STPG2: variants seen among roughly 807,000 people sequenced by gnomAD.
STPG2 encodes the protein sperm-tail PG-rich repeat-containing protein 2.
A neutral mutation model predicts 54.2 loss-of-function variants in STPG2; 56 were observed. The observed-to-expected ratio is 1.03, with a 90% CI of 0.83 to 1.29. The LOEUF (loss-of-function observed/expected upper bound fraction) is 1.29, where lower values mean the gene tolerates loss of function less well. STPG2 is among the 50% of genes most tolerant of loss of function. The pLI, the probability that STPG2 is intolerant of heterozygous loss-of-function variation, is 0.00. For synonymous variants in STPG2, 200 were observed against 181.8 expected (o/e 1.10, Z -0.81); for missense variants, 596 against 544.9 (o/e 1.09, Z -0.93).
chr4:97,910,439 A>T (rs1176803205), intron 8 of STPG2, among the ~76,000 whole-genome samples: 4 of 152,244 alleles, frequency 2.6e-5, no homozygotes, highest in Non-Finnish European at 5.9e-5. Context: ...AAATTAAATT[A>T]TCATGTGGAA....
At chr4:97,616,512 T>C (rs1459011192) in intron 10 of STPG2, among the ~76,000 whole-genome samples, 1 of 152,150 alleles carries the variant, frequency 6.6e-6, no homozygotes, top group East Asian at 1.9e-4. Flanking sequence ...AGTTTCATTT[T>C]CATTGTAACA....
intron 5 of STPG2, among the ~76,000 whole-genome samples, chr4:98,098,306 A>G (rs1441972626): frequency 6.6e-6 from 1 of 151,924 alleles, no homozygotes; most frequent in African/African-American, 2.4e-5. Flanking sequence ...GAGAACCCGG[A>G]AAAAAAACCC....
chr4:97,906,691 G>C (rs1731438602), intron 8 of STPG2, among the ~76,000 whole-genome samples: 1 of 151,874 alleles, frequency 6.6e-6, no homozygotes, highest in South Asian at 2.1e-4. Context: ...CTTCATCCCT[G>C]GGATGCAAGG....
intron 5 of STPG2, among the ~76,000 whole-genome samples, chr4:98,027,621 A>G (rs1202701958): frequency 6.6e-6 from 1 of 152,200 alleles, no homozygotes; most frequent in Non-Finnish European, 1.5e-5. Context: ...AAACATTTCC[A>G]TTCAAAAAAG....
rs201004313 is a variant in STPG2, at chr4:97,932,357, AT to A, written c.1044+11539del. ...GGTTGTTAATTTGAGATTTTTCCAA[AT>A]TTTTTTTTAATTTTATTTTAAGTTC... On this transcript the variant is annotated intron_variant, in intron 8 of 10. Transcript: ENST00000295268. Among the ~76,000 whole-genome samples, 514 of 151,646 alleles carry A rather than the reference AT, an allele frequency of 3.4e-3. 2 individuals carry two copies. Among genetic ancestry groups the A allele is most frequent in the African/African-American group, 0.011 (475 of 41,354 alleles).
intron 4 of STPG2, among the ~76,000 whole-genome samples, chr4:97,533,964 AT>A (rs1444028421): frequency 1.3e-5 from 2 of 152,234 alleles, no homozygotes; most frequent in African/African-American, 4.8e-5. Context: ...AGTATTTTTT[AT>A]TAAGTAGAAA....
At chr4:97,893,484 C>A (rs1160948460) in intron 8 of STPG2, among the ~76,000 whole-genome samples, 1 of 151,968 alleles carries the variant, frequency 6.6e-6, no homozygotes. Flanking sequence ...GCTGATATAA[C>A]ACTCCTAGAA....
At chr4:97,682,731 T>A (rs767665906) in intron 10 of STPG2, among the ~76,000 whole-genome samples, 6 of 151,854 alleles carry the variant, frequency 4.0e-5, no homozygotes, top group Non-Finnish European at 8.9e-5. Flanking sequence ...AACAGAGCCA[T>A]ATAAACCTTA....
intron 8 of STPG2, among the ~76,000 whole-genome samples, chr4:97,894,555 T>C (rs1730890269): frequency 6.6e-6 from 1 of 151,888 alleles, no homozygotes; most frequent in South Asian, 2.1e-4. Context: ...AACTTTTCTC[T>C]CCTCAGTTCA....
chr4:97,512,084 T>C (rs748058166), intron 4 of STPG2, among the ~76,000 whole-genome samples: 2 of 152,070 alleles, frequency 1.3e-5, no homozygotes, highest in African/African-American at 4.8e-5. Flanking sequence ...TAACAAGTCA[T>C]ATAAGAAAAT....
intron 4 of STPG2, among the ~76,000 whole-genome samples, chr4:97,461,950 T>C (rs1197787772): frequency 6.6e-6 from 1 of 152,162 alleles, no homozygotes; most frequent in Non-Finnish European, 1.5e-5. Context: ...CTTTATTGAA[T>C]GTCATTCAAT....
At chr4:97,969,548 G>A (rs535011856) in intron 7 of STPG2, among the ~76,000 whole-genome samples, 1 of 152,060 alleles carries the variant, frequency 6.6e-6, no homozygotes, top group African/African-American at 2.4e-5. Flanking sequence ...TTCTTGACCT[G>A]CCGATCCACC....
At chr4:98,050,018 G>C (rs1737266677) in intron 5 of STPG2, among the ~76,000 whole-genome samples, 1 of 152,040 alleles carries the variant, frequency 6.6e-6, no homozygotes, top group Non-Finnish European at 1.5e-5. Flanking sequence ...AACTTATTTT[G>C]ATAAATATAA....
intron 7 of STPG2, among the ~76,000 whole-genome samples, chr4:97,961,024 G>C (rs1038989888): frequency 6.6e-6 from 1 of 151,234 alleles, no homozygotes; most frequent in East Asian, 1.9e-4. Flanking sequence ...ACAGAATAGA[G>C]AACTCGGAAA....
At chr4:97,511,606 T>C (rs1172201269) in intron 4 of STPG2, among the ~76,000 whole-genome samples, 1 of 152,036 alleles carries the variant, frequency 6.6e-6, no homozygotes, top group Non-Finnish European at 1.5e-5. Flanking sequence ...TTAAACATGA[T>C]TAACCAACTT....
chr4:97,878,169 C>G (rs1364551449), intron 8 of STPG2, among the ~76,000 whole-genome samples: 1 of 152,160 alleles, frequency 6.6e-6, no homozygotes, highest in Non-Finnish European at 1.5e-5. Flanking sequence ...CAGGGTACAG[C>G]CTCCCTCCCA....
chr4:97,460,037 A>G (rs753734570), intron 4 of STPG2, among the ~76,000 whole-genome samples: 1 of 152,214 alleles, frequency 6.6e-6, no homozygotes, highest in Non-Finnish European at 1.5e-5. Flanking sequence ...GGCCATTCAC[A>G]TCACAATCAG....
intron 5 of STPG2, among the ~76,000 whole-genome samples, chr4:98,065,235 T>C (rs960139581): frequency 6.6e-6 from 1 of 152,010 alleles, no homozygotes; most frequent in African/African-American, 2.4e-5. Flanking sequence ...GGCAACAAAA[T>C]AGGAAACCAA....
At chr4:98,025,673 G>T (rs1054960566) in intron 5 of STPG2, 64 of 1,040,168 alleles carry the variant, frequency 6.2e-5, no homozygotes, top group Admixed American at 1.4e-4. Flanking sequence ...AAATTATGTT[G>T]CAGCGTATTG....
Sources: allele counts gnomAD v4.1 joint callset (sites outside exome capture counted in the v4.1 genomes callset), GRCh38; gene constraint gnomAD v4.1.1; transcripts MANE v1.5; gene names NCBI Gene and HGNC (gene_info 2026-07-23, HGNC 2026-07-21).